The following TMPO variants were observed in gnomAD, a reference collection of about 807,000 sequenced individuals.
The protein encoded by TMPO is thymopoietin.
A neutral mutation model predicts 45.4 loss-of-function variants in TMPO; 22 were observed. That is an observed-to-expected ratio of 0.48 (90% CI 0.35 to 0.69). The LOEUF is 0.69. Among genes scored for constraint, TMPO ranks in the 30% least tolerant of loss-of-function variants. TMPO has a pLI of 0.01. For missense variants in TMPO, 512 were observed against 548.8 expected (o/e 0.93, Z 0.67); for synonymous variants, 241 against 204.1 (o/e 1.18, Z -1.54).
At chr12:98,519,914 T>G (rs1394951198) in intron 1 of TMPO, among the ~76,000 whole-genome samples, 1 of 152,176 alleles carries the variant, frequency 6.6e-6, no homozygotes, top group African/African-American at 2.4e-5. Context: ...TAGCCCCATA[T>G]AAAAATAATA....
intron 3 of TMPO, chr12:98,533,203 G>T (rs1565811194): frequency 6.2e-7 from 1 of 1,614,050 alleles, no homozygotes; most frequent in Admixed American, 1.7e-5. Flanking sequence ...ACTGATTAAA[G>T]AAACCACCAC....
intron 3 of TMPO, among the ~76,000 whole-genome samples, chr12:98,536,575 A>AACT (rs1877580822): frequency 1.3e-5 from 2 of 152,096 alleles, no homozygotes; most frequent in African/African-American, 4.8e-5. Flanking sequence ...GATGGTCTTA[A>AACT]GCTGACCTCA....
At chr12:98,520,699 C>G (rs1168381960) in intron 1 of TMPO, among the ~76,000 whole-genome samples, 1 of 151,954 alleles carries the variant, frequency 6.6e-6, no homozygotes, top group Non-Finnish European at 1.5e-5. Context: ...TCTCGGCTCC[C>G]TGCAAGCTCT....
At chr12:98,530,876 G>A (rs933015759) in intron 2 of TMPO, among the ~76,000 whole-genome samples, 1 of 152,234 alleles carries the variant, frequency 6.6e-6, no homozygotes, top group Non-Finnish European at 1.5e-5. Context: ...TGGCTTTTCA[G>A]TAGATGGTCT....
At chr12:98,518,727 G>T (rs1256060164) in intron 1 of TMPO, among the ~76,000 whole-genome samples, 1 of 150,560 alleles carries the variant, frequency 6.6e-6, no homozygotes, top group Non-Finnish European at 1.5e-5. Flanking sequence ...TTTTAATTAA[G>T]ATTATCCAGC....
In TMPO at chr12:98,549,697, T is replaced by A. The variant is rs1878429729; in HGVS notation, c.*1839T>A. ...TTAAATACATCTGAAATAAAAATAC[T>A]TACTAAAAAGGAAGAAGCCGAAGAT... On this transcript the variant is annotated 3_prime_UTR_variant, in exon 9 of 9. Transcript: ENST00000556029. 7.4e-6 allele frequency: 1 copy of A among 135,398 alleles called. No homozygotes were observed. The highest frequency in any genetic ancestry group is 2.7e-5 in the African/African-American group (1 of 37,058). 8.4% of individuals were successfully genotyped at this position (135,398 alleles called of 1,614,324 possible).
chr12:98,544,179 A>G (rs1565816509), intron 4 of TMPO, 51 bp from the exon 5 acceptor site: 1 of 1,605,448 alleles, frequency 6.2e-7, no homozygotes, highest in Non-Finnish European at 8.5e-7. Context: ...GGCCGTTATT[A>G]AAGTATTTGA....
At chr12:98,545,529 T>A (rs980069111) in intron 7 of TMPO, among the ~76,000 whole-genome samples, 1 of 152,160 alleles carries the variant, frequency 6.6e-6, no homozygotes, top group Non-Finnish European at 1.5e-5. Flanking sequence ...GAATGAATCT[T>A]TACAAAAGGA....
intron 3 of TMPO, chr12:98,533,882 G>A (rs530601901): frequency 6.2e-7 from 1 of 1,614,138 alleles, no homozygotes; most frequent in Non-Finnish European, 8.5e-7. Flanking sequence ...GAAATCCTAG[G>A]GTTTATTTCT....
rs1294253605 is a variant in TMPO at position 98,532,082 on chromosome 12, A to G, written c.565+244A>G. 1.1e-5 allele frequency: 5 copies of G among 444,820 alleles called. No homozygotes were observed. The East Asian group carries it at 1.3e-4, about 12-fold the overall frequency. The allele number at this position is 444,820 out of a possible 1,614,324, so 27.6% of individuals were successfully genotyped here. Reference sequence around the variant, plus strand: ...AGTTAACTTTGTCTTTTTTGCTACAAATCTCATTTTTCTGAGAGAATAAAG... The same window carrying G: ...AGTTAACTTTGTCTTTTTTGCTACAGATCTCATTTTTCTGAGAGAATAAAG... On this transcript the variant is annotated intron_variant, in intron 3 of 8. Coordinates refer to ENST00000556029, the MANE Select transcript of TMPO (RefSeq NM_001032283.3).
Position 98,528,016 on chromosome 12 carries a change from A to G in TMPO, c.406+4A>G. On this transcript the variant is annotated splice_donor_region_variant and intron_variant, in intron 2 of 8. Coordinates refer to ENST00000556029, the MANE Select transcript of TMPO (RefSeq NM_001032283.3). ...GTGAATCCTGGTCCTATTGTGGGTA[A>G]GTTGATAAAATTTCAAATACAGTAT... 6.2e-7 allele frequency: 1 copy of G among 1,613,844 alleles called. No homozygotes were observed. Among genetic ancestry groups the G allele is most frequent in the South Asian group, 1.1e-5 (1 of 91,070 alleles).
At chr12:98,539,471 C>CTTTTTTTTTTTT (rs398039980) in intron 4 of TMPO, among the ~76,000 whole-genome samples, 1 of 123,492 alleles carries the variant, frequency 8.1e-6, no homozygotes, top group African/African-American at 3.1e-5. Context: ...TTTTAAATTA[C>CTTTTTTTTTTTT]TTTTTTTTTT....
chr12:98,519,170 C>G (rs1876136651), intron 1 of TMPO, among the ~76,000 whole-genome samples: 1 of 152,146 alleles, frequency 6.6e-6, no homozygotes, highest in Non-Finnish European at 1.5e-5. Flanking sequence ...GCGTGAGCCA[C>G]CGCGCCCAGC....
Position 98,525,118 on chromosome 12 carries a change from T to C in TMPO, c.280-2768T>C, listed in dbSNP as rs553772796. Reference sequence around the variant, plus strand: ...GGAAAATTTGAGTAAGTCAGTAACATAGGATTAAGTTTGTTTGATTAAATC... The same window carrying C: ...GGAAAATTTGAGTAAGTCAGTAACACAGGATTAAGTTTGTTTGATTAAATC... On this transcript the variant is annotated intron_variant, in intron 1 of 8. Transcript: ENST00000556029. Among the ~76,000 whole-genome samples, 47 of 152,338 alleles carry C rather than the reference T, an allele frequency of 3.1e-4. 1 individual carries two copies. Among genetic ancestry groups the C allele is most frequent in the African/African-American group, 1.0e-3 (42 of 41,570 alleles).
At chr12:98,515,585 TG>T (rs1875709015), upstream of TMPO, 10 of 486,864 alleles carry the variant, frequency 2.1e-5, no homozygotes, top group South Asian at 2.5e-4. Context: ...TCTTGGGGCG[TG>T]GGCGAAGCAG....
intron 3 of TMPO, among the ~76,000 whole-genome samples, chr12:98,536,544 G>C (rs1341854420): frequency 6.6e-6 from 1 of 152,064 alleles, no homozygotes; most frequent in East Asian, 1.9e-4. Flanking sequence ...AGTAGAGACG[G>C]GGTTTCACCA....
In TMPO at chr12:98,544,485, CAG is replaced by C. The variant is rs1491100247; in HGVS notation, c.832_833del (p.Ser278TyrfsTer5). The C allele has an allele frequency of 3.7e-6, 6 of 1,613,818 alleles. No individual in the cohort carries two copies. The highest frequency in any genetic ancestry group is 3.4e-6 in the Non-Finnish European group (4 of 1,179,908). The stretch of plus-strand genomic sequence containing the variant: ...TTTCGTATAGATGGTCCAGTAATTT[CAG>C]AGAGTACTCCCATAGCTGAAACTAT... On this transcript the variant is annotated frameshift_variant, in exon 6 of 9. Transcript: ENST00000556029. LOFTEE classifies it high-confidence loss of function.
intron 1 of TMPO, chr12:98,516,618 C>A (rs569018335): frequency 4.5e-6 from 4 of 894,460 alleles, no homozygotes; most frequent in East Asian, 1.2e-4. Flanking sequence ...AATTTCTAAC[C>A]AAAATTTGAA....
In TMPO at chr12:98,515,751, C is replaced by G; in HGVS notation, c.-117C>G. The G allele has an allele frequency of 6.5e-7, 1 of 1,540,004 alleles. No homozygotes were observed. Among genetic ancestry groups the G allele is most frequent in the Admixed American group, 2.0e-5 (1 of 49,700 alleles). On this transcript the variant is annotated 5_prime_UTR_variant, in exon 1 of 9. Coordinates refer to ENST00000556029, the MANE Select transcript of TMPO (RefSeq NM_001032283.3). The stretch of plus-strand genomic sequence containing the variant: ...TTTTGTTCCGCTCCGCAGCGCTCTT[C>G]CCGGGCAGGAGCCGTGAGGCTCGGA...
Sources: gnomAD v4.1 joint callset for allele counts (sites outside exome capture counted in the v4.1 genomes callset) on GRCh38, gnomAD v4.1.1 for gene constraint, MANE v1.5 for transcripts, NCBI Gene and HGNC (gene_info 2026-07-23, HGNC 2026-07-21) for gene names.